Variants in NTM observed in about 807,000 individuals in gnomAD.
NTM encodes the protein IgLON family member 2.
In NTM, 13 loss-of-function variants were observed where a neutral mutation model predicts 42.1. That is an observed-to-expected ratio of 0.31 (90% CI 0.20 to 0.49). The LOEUF (loss-of-function observed/expected upper bound fraction) is 0.49. NTM is among the 20% of genes least tolerant of loss of function. The pLI, the probability that NTM is intolerant of heterozygous loss-of-function variation, is 0.99. For synonymous variants in NTM, 187 were observed against 179.2 expected (o/e 1.04, Z -0.35); for missense variants, 373 against 452.8 (o/e 0.82, Z 1.60).
chr11:131,424,458 T>C (rs918895024), intron 1 of NTM, among the ~76,000 whole-genome samples: 1 of 152,248 alleles, frequency 6.6e-6, no homozygotes, highest in Middle Eastern at 3.4e-3. Context: ...AACTGAGTTA[T>C]GCACCTTCCT....
intron 1 of NTM, among the ~76,000 whole-genome samples, chr11:131,859,767 C>T (rs887811465): frequency 1.3e-5 from 2 of 152,152 alleles, no homozygotes; most frequent in East Asian, 3.9e-4. Context: ...AACGGAAGTG[C>T]TCTACAAACA....
At chr11:132,308,575 C>T (rs1204256084) in intron 5 of NTM, among the ~76,000 whole-genome samples, 3 of 151,940 alleles carry the variant, frequency 2.0e-5, no homozygotes, top group Non-Finnish European at 2.9e-5. Context: ...GTGCACATTC[C>T]AGGAAGACTT....
At chr11:132,141,922 A>T (rs2069238560) in intron 2 of NTM, among the ~76,000 whole-genome samples, 1 of 152,206 alleles carries the variant, frequency 6.6e-6, no homozygotes. Context: ...AGAGACACAG[A>T]AGGCTAATGG....
At chr11:131,461,740 C>T (rs945629975) in intron 1 of NTM, among the ~76,000 whole-genome samples, 1 of 152,120 alleles carries the variant, frequency 6.6e-6, no homozygotes, top group Non-Finnish European at 1.5e-5. Flanking sequence ...GGTATATTAT[C>T]TACCTTGATT....
At position 132,317,683 on chromosome 11, in the gene NTM, G is replaced by T. The variant is rs1236879692; in HGVS notation, c.934+2980G>T. 5 of 1,303,498 alleles carry T rather than the reference G, an allele frequency of 3.8e-6. No individual in the cohort carries two copies. The Admixed American group carries it at 6.9e-5, about 18-fold the overall frequency. 80.7% of individuals were successfully genotyped at this position (1,303,498 alleles called of 1,614,324 possible). On this transcript the variant is annotated intron_variant, in intron 7 of 8. Transcript: ENST00000683400. ...TAAATGAGCCTACGAGCTCAACTTT[G>T]TTGCAAGGTCAGTATCTTCCTTGCT...
intron 2 of NTM, among the ~76,000 whole-genome samples, chr11:132,018,818 T>TA (rs1298281692): frequency 6.6e-6 from 1 of 152,052 alleles, no homozygotes; most frequent in East Asian, 1.9e-4. Flanking sequence ...AAATATTTGG[T>TA]AGAATTCACT....
chr11:131,398,725 C>A (rs1944820560), intron 1 of NTM, among the ~76,000 whole-genome samples: 1 of 152,042 alleles, frequency 6.6e-6, no homozygotes, highest in Admixed American at 6.6e-5. Context: ...ATTCTATTAC[C>A]ACCAATACTC....
chr11:132,317,523 T>G (rs910164727), intron 7 of NTM: 10 of 395,826 alleles, frequency 2.5e-5, no homozygotes, highest in African/African-American at 2.1e-4. Context: ...TGTCTTCCTT[T>G]TTTTTATATA....
At chr11:131,484,221 T>C (rs982076679) in intron 1 of NTM, among the ~76,000 whole-genome samples, 1 of 152,190 alleles carries the variant, frequency 6.6e-6, no homozygotes, top group Non-Finnish European at 1.5e-5. Context: ...AATTGCTTTA[T>C]GCCAGAAATC....
chr11:131,924,132 G>T (rs1311449609), intron 2 of NTM, among the ~76,000 whole-genome samples: 1 of 152,236 alleles, frequency 6.6e-6, no homozygotes, highest in Non-Finnish European at 1.5e-5. Context: ...AATGCACAGT[G>T]CAGGGCACGG....
At chr11:131,784,339 C>T (rs1477826188) in intron 1 of NTM, among the ~76,000 whole-genome samples, 2 of 152,022 alleles carry the variant, frequency 1.3e-5, no homozygotes, top group African/African-American at 2.4e-5. Context: ...AAAACTAATA[C>T]TAATTCAAAT....
At chr11:132,077,608 C>T (rs748702789) in intron 2 of NTM, among the ~76,000 whole-genome samples, 2 of 152,336 alleles carry the variant, frequency 1.3e-5, no homozygotes, top group Admixed American at 1.3e-4. Flanking sequence ...CTTCTCAAAG[C>T]TGTCTGACTG....
At chr11:131,493,312 G>A (rs530352405) in intron 1 of NTM, among the ~76,000 whole-genome samples, 117 of 152,178 alleles carry the variant, frequency 7.7e-4, no homozygotes, top group African/African-American at 2.6e-3. Flanking sequence ...AATGTCCACC[G>A]TGTTTTAAGA....
intron 1 of NTM, among the ~76,000 whole-genome samples, chr11:131,730,632 T>C (rs2079528452): frequency 6.6e-6 from 1 of 151,778 alleles, no homozygotes; most frequent in South Asian, 2.1e-4. Flanking sequence ...GGCTGGGGGA[T>C]TGTTCGAGCC....
chr11:131,829,388 G>A (rs147266401), intron 1 of NTM, among the ~76,000 whole-genome samples: 2,632 of 152,130 alleles, frequency 0.017, 71 homozygotes, highest in African/African-American at 0.06. Context: ...CCATCTTTAT[G>A]TCCATGAGTA....
In NTM at chr11:131,509,972, G is replaced by A. The variant is rs899231426; in HGVS notation, c.82+139084G>A. 2.0e-5 allele frequency among the ~76,000 whole-genome samples: 3 copies of A among 152,110 alleles called. No individual in the cohort carries two copies. The East Asian group carries it at 5.8e-4, about 29-fold the overall frequency. On this transcript the variant is annotated intron_variant, in intron 1 of 8. Transcript: ENST00000683400. ...TGACTGAGCAGAAGGATTAGAAAAG[G>A]CTTTCTGAAGGAGGTGATCTCGGGG...
At chr11:131,460,854 AAG>A (rs1324843960) in intron 1 of NTM, among the ~76,000 whole-genome samples, 1 of 152,202 alleles carries the variant, frequency 6.6e-6, no homozygotes, top group African/African-American at 2.4e-5. Flanking sequence ...GCGCCCTGCC[AAG>A]AGAGTGCTTT....
At chr11:132,014,655 A>G (rs897234845) in intron 2 of NTM, among the ~76,000 whole-genome samples, 5 of 147,324 alleles carry the variant, frequency 3.4e-5, no homozygotes, top group African/African-American at 1.3e-4. Flanking sequence ...CATTTTTTTC[A>G]TATACCTGTT....
intron 2 of NTM, among the ~76,000 whole-genome samples, chr11:132,108,876 C>T (rs1186860255): frequency 6.6e-6 from 1 of 152,034 alleles, no homozygotes; most frequent in East Asian, 1.9e-4. Flanking sequence ...CCTGACAGGC[C>T]CCAGTGTGTG....
Sources: gnomAD v4.1 joint callset for allele counts (sites outside exome capture counted in the v4.1 genomes callset) on GRCh38, gnomAD v4.1.1 for gene constraint, MANE v1.5 for transcripts, NCBI Gene and HGNC (gene_info 2026-07-23, HGNC 2026-07-21) for gene names.